Variants in GABRR1 observed in about 807,000 individuals in gnomAD.
GABRR1 encodes the protein gamma-aminobutyric acid type A receptor subunit rho1, also known as gamma-aminobutyric acid receptor subunit rho-1.
A neutral mutation model predicts 55.5 loss-of-function variants in GABRR1; 59 were observed. The observed-to-expected ratio is 1.06, with a 90% CI of 0.86 to 1.32. GABRR1 has a LOEUF of 1.32. Ranked by LOEUF, GABRR1 falls within the 40% of genes most tolerant of loss-of-function variation. The pLI, the probability that GABRR1 is intolerant of heterozygous loss-of-function variation, is 0.00. For missense variants in GABRR1, 602 were observed against 619.1 expected (o/e 0.97, Z 0.29); for synonymous variants, 213 against 226.0 (o/e 0.94, Z 0.51).
intron 6 of GABRR1, 84 bp from the exon 7 acceptor site, chr6:89,185,534 C>A: frequency 8.6e-7 from 1 of 1,167,462 alleles, no homozygotes; most frequent in African/African-American, 1.5e-5. Context: ...TGTGTCCTGA[C>A]CTCCCACACT....
At chr6:89,213,095 A>T (rs1454961463) in intron 1 of GABRR1, among the ~76,000 whole-genome samples, 3 of 152,178 alleles carry the variant, frequency 2.0e-5, no homozygotes, top group Admixed American at 1.3e-4. Flanking sequence ...CTGGGAAAAC[A>T]TGAATTATTT....
chr6:89,182,120 C>T, intron 7 of GABRR1, 63 bp from the exon 8 acceptor site: 1 of 1,549,898 alleles, frequency 6.5e-7, no homozygotes, highest in Non-Finnish European at 8.8e-7. Flanking sequence ...ACATTTTATT[C>T]AGGAAATTGT....
Position 89,180,369 on chromosome 6 carries a change from G to A in GABRR1, c.1069C>T (p.Leu357Phe). 1 of 1,613,906 alleles carries A rather than the reference G, an allele frequency of 6.2e-7. No individual in the cohort carries two copies. The highest frequency in any genetic ancestry group is 1.1e-5 in the South Asian group (1 of 91,066). Residue 357 changes from leucine (L) to phenylalanine (F), a missense_variant, in exon 9 of 10, where the codon CTC (leucine) becomes TTC (phenylalanine). By Grantham distance (22) the Leu-to-Phe change is conservative. This residue lies in a region of GABRR1 where 28 missense variants were observed against 53.9 expected (regional missense o/e 0.52). Transcript: ENST00000454853. ...YLWVSFVFVF[L>F]SVLEYAAVNY... ...ACGGCCGCATACTCCAGCACCGAGA[G>A]GAACACGAACACAAAGCTGACCCAG...
intron 1 of GABRR1, among the ~76,000 whole-genome samples, chr6:89,208,217 A>G (rs1026754001): frequency 5.3e-5 from 8 of 152,240 alleles, no homozygotes; most frequent in Non-Finnish European, 1.0e-4. Flanking sequence ...ATGAGCATGT[A>G]TCCATCATGT....
At chr6:89,179,970 A>C (rs1375295115) in intron 9 of GABRR1, among the ~76,000 whole-genome samples, 1 of 152,196 alleles carries the variant, frequency 6.6e-6, no homozygotes, top group East Asian at 1.9e-4. Context: ...CACTATGTTA[A>C]ATTGTCATTT....
chr6:89,224,998 G>C (rs143059522), intron 1 of GABRR1, among the ~76,000 whole-genome samples: 47 of 152,250 alleles, frequency 3.1e-4, no homozygotes, highest in African/African-American at 1.0e-3. Flanking sequence ...GGCCAGGCTA[G>C]TCTTGAACTC....
chr6:89,206,935 T>C (rs1263148076), intron 1 of GABRR1, among the ~76,000 whole-genome samples: 1 of 152,172 alleles, frequency 6.6e-6, no homozygotes, highest in African/African-American at 2.4e-5. Flanking sequence ...TACACATCTC[T>C]GTAAAACCTT....
At chr6:89,201,358 TG>T in intron 2 of GABRR1, 93 bp from the exon 3 acceptor site, 1 of 791,238 alleles carries the variant, frequency 1.3e-6, no homozygotes, top group Non-Finnish European at 2.2e-6. Context: ...ATAGGTGTGA[TG>T]GGGTGTGCTA....
At chr6:89,189,308 A>G (rs1274746271) in intron 6 of GABRR1, among the ~76,000 whole-genome samples, 1 of 150,418 alleles carries the variant, frequency 6.6e-6, no homozygotes, top group African/African-American at 2.5e-5. Flanking sequence ...TGGCACATAT[A>G]CACCATGGAA....
At chr6:89,211,223 G>A (rs1488957427) in intron 1 of GABRR1, among the ~76,000 whole-genome samples, 1 of 152,150 alleles carries the variant, frequency 6.6e-6, no homozygotes, top group Non-Finnish European at 1.5e-5. Context: ...TCAAGGCGTT[G>A]AGGGTGATCA....
chr6:89,195,326 G>A (rs1772228777), intron 5 of GABRR1, among the ~76,000 whole-genome samples: 1 of 152,110 alleles, frequency 6.6e-6, no homozygotes, highest in African/African-American at 2.4e-5. Flanking sequence ...AGCCAGGCAT[G>A]GTGGCATGTG....
intron 6 of GABRR1, among the ~76,000 whole-genome samples, chr6:89,189,347 T>TC (rs1458595009): frequency 4.0e-5 from 6 of 148,268 alleles, no homozygotes; most frequent in African/African-American, 1.5e-4. Flanking sequence ...AATGATGAGT[T>TC]CATGTCCTTT....
At chr6:89,197,022 G>A (rs1772318339) in intron 5 of GABRR1, among the ~76,000 whole-genome samples, 1 of 152,088 alleles carries the variant, frequency 6.6e-6, no homozygotes, top group Non-Finnish European at 1.5e-5. Context: ...AGCATTTTAA[G>A]CATTAAAGAT....
intron 2 of GABRR1, among the ~76,000 whole-genome samples, chr6:89,202,839 A>G (rs1033300213): frequency 1.3e-5 from 2 of 151,994 alleles, no homozygotes; most frequent in African/African-American, 4.8e-5. Context: ...TCAACCTCCC[A>G]AGTAGCTGGG....
In GABRR1 at chr6:89,196,903, A is replaced by G. The variant is rs1250040098; in HGVS notation, c.572+1117T>C. 1.3e-5 allele frequency among the ~76,000 whole-genome samples: 2 copies of G among 151,002 alleles called. 1 individual carries two copies. Among genetic ancestry groups the G allele is most frequent in the East Asian group, 3.9e-4 (2 of 5,106 alleles). On this transcript the variant is annotated intron_variant, in intron 5 of 9. Transcript: ENST00000454853. ...AGAGAAGAGAAGAAAAAAGAAAAGA[A>G]AATAAAAAATCTGCCTCAGAAATGA...
At chr6:89,188,839 C>T (rs565805044) in intron 6 of GABRR1, among the ~76,000 whole-genome samples, 1 of 152,154 alleles carries the variant, frequency 6.6e-6, no homozygotes, top group African/African-American at 2.4e-5. Context: ...TTCAGTTTTT[C>T]CAGGATGTCT....
intron 1 of GABRR1, among the ~76,000 whole-genome samples, chr6:89,211,696 C>G (rs1772838780): frequency 6.6e-6 from 1 of 152,156 alleles, no homozygotes; most frequent in Non-Finnish European, 1.5e-5. Context: ...CATTTTGTGA[C>G]TGGTGAAGAG....
At chr6:89,224,000 A>T (rs1268426014) in intron 1 of GABRR1, among the ~76,000 whole-genome samples, 4 of 151,798 alleles carry the variant, frequency 2.6e-5, no homozygotes, top group African/African-American at 7.3e-5. Context: ...TGACCTCATG[A>T]TCTGCCTGCC....
At chr6:89,190,032 T>A (rs1772036922) in intron 6 of GABRR1, 133 bp downstream of exon 6, 2 of 516,788 alleles carry the variant, frequency 3.9e-6, no homozygotes, top group African/African-American at 4.0e-5. Flanking sequence ...GGCGACAGTG[T>A]GAGACTCCAT....
Sources: gnomAD v4.1 joint callset for allele counts (sites outside exome capture counted in the v4.1 genomes callset) on GRCh38, gnomAD v4.1.1 for gene constraint, gnomAD v4.1.1 regional missense constraint, MANE v1.5 for transcripts, NCBI Gene and HGNC (gene_info 2026-07-23, HGNC 2026-07-21) for gene names.